TMEM120B: variants seen among roughly 807,000 people sequenced by gnomAD.
TMEM120B encodes transmembrane protein 120B.
TMEM120B carries 31 observed loss-of-function variants against 55.5 expected under a neutral mutation model. The observed-to-expected ratio is 0.56, with a 90% CI of 0.42 to 0.75. The LOEUF is 0.75. Among genes scored for constraint, TMEM120B ranks in the 30% least tolerant of loss-of-function variants. The pLI is 0.00. For missense variants in TMEM120B, 399 were observed against 425.5 expected, an observed-to-expected ratio of 0.94 and a Z score of 0.55; for synonymous variants, 203 against 176.3, an observed-to-expected ratio of 1.15 and a Z score of -1.20.
chr12:121,733,332 C>T (rs2137061612), intron 1 of TMEM120B, among the ~76,000 whole-genome samples: 1 of 151,958 alleles, frequency 6.6e-6, no homozygotes, highest in South Asian at 2.1e-4. Context: ...GCAAGCTCCG[C>T]CTCCTGGGTT....
At chr12:121,738,128 G>A (rs369773646) in intron 1 of TMEM120B, among the ~76,000 whole-genome samples, 11 of 151,640 alleles carry the variant, frequency 7.3e-5, no homozygotes, top group East Asian at 5.8e-4. Flanking sequence ...GCATGGTGGC[G>A]CATGCCTGTA....
intron 1 of TMEM120B, among the ~76,000 whole-genome samples, chr12:121,731,553 A>C (rs1045045307): frequency 6.6e-6 from 1 of 152,230 alleles, no homozygotes. Flanking sequence ...ACTGTGTTAC[A>C]GTCTGCTACA....
chr12:121,748,560 A>C, intron 3 of TMEM120B, 118 bp downstream of exon 3: 1 of 689,730 alleles, frequency 1.4e-6, no homozygotes. Flanking sequence ...AGAGGGAAAC[A>C]AGGGCAGGAG....
At chr12:121,726,564 GC>G (rs916536752) in intron 1 of TMEM120B, among the ~76,000 whole-genome samples, 1 of 142,804 alleles carries the variant, frequency 7.0e-6, no homozygotes, top group African/African-American at 2.8e-5. Flanking sequence ...GGGTGACAGA[GC>G]GAGACTCTGT....
At chr12:121,764,700 T>G (rs1046608592) in intron 6 of TMEM120B, among the ~76,000 whole-genome samples, 1 of 152,078 alleles carries the variant, frequency 6.6e-6, no homozygotes, top group African/African-American at 2.4e-5. Context: ...TAGCAATCAT[T>G]AACACTTTAG....
Position 121,779,669 on chromosome 12 carries a change from G to C in TMEM120B, c.*3947G>C, listed in dbSNP as rs200553022. The C allele has an allele frequency of 3.6e-5, 58 of 1,612,936 alleles. No homozygotes were observed. Among genetic ancestry groups the C allele is most frequent in the African/African-American group, 1.3e-4 (10 of 74,934 alleles). ...GTTCGCAGGCGCTCAGGCCCTGGGT[G>C]GGGGGAGGAGCCAGCATTAGGTGAG... On this transcript the variant is annotated 3_prime_UTR_variant, in exon 12 of 12. Coordinates refer to ENST00000449592, the MANE Select transcript of TMEM120B (RefSeq NM_001080825.2).
chr12:121,773,410 T>C lies in TMEM120B; in HGVS notation c.680-11T>C. The stretch of plus-strand genomic sequence containing the variant: ...CAGGCCCTGAGCCCAGGTGCTGTGC[T>C]CCCCCTGCAGGCTGCGTCCAGTTCC... On this transcript the variant is annotated splice_polypyrimidine_tract_variant and intron_variant, in intron 8 of 11. Transcript: ENST00000449592. 1 of 1,605,826 alleles carries C rather than the reference T, an allele frequency of 6.2e-7. No homozygotes were observed. The highest frequency in any genetic ancestry group is 8.5e-7 in the Non-Finnish European group (1 of 1,176,178).
rs746411084 is a variant in TMEM120B at position 121,781,018 on chromosome 12, G to A, written c.*5296G>A. ...ACCTCAGGGAACCACTGTGGAGGGAGGAGGCGGGATCAGGGGTGCGGCCGG... is the reference window on the plus strand; with the variant it reads ...ACCTCAGGGAACCACTGTGGAGGGAAGAGGCGGGATCAGGGGTGCGGCCGG... On this transcript the variant is annotated 3_prime_UTR_variant, in exon 12 of 12. Transcript: ENST00000449592. 5 of 1,613,346 alleles carry A rather than the reference G, an allele frequency of 3.1e-6. No individual in the cohort carries two copies. The highest frequency in any genetic ancestry group is 1.6e-4 in the Middle Eastern group (1 of 6,082).
In TMEM120B at chr12:121,735,653, T is replaced by C. The variant is rs112599236; in HGVS notation, c.70-7976T>C. ...ACTTTGTGATCCGCCTGCCTTGGCCTCCCAAAATGCTGGGATTACAGGCAT... is the reference window on the plus strand; with the variant it reads ...ACTTTGTGATCCGCCTGCCTTGGCCCCCCAAAATGCTGGGATTACAGGCAT... On this transcript the variant is annotated intron_variant, in intron 1 of 11. Transcript: ENST00000449592. Among the ~76,000 whole-genome samples the C allele has an allele frequency of 9.2e-3, 1,398 of 151,712 alleles. 28 individuals carry two copies. The highest frequency in any genetic ancestry group is 0.032 in the African/African-American group (1,333 of 41,384).
chr12:121,740,955 T>C (rs1872917296), intron 1 of TMEM120B, among the ~76,000 whole-genome samples: 1 of 152,170 alleles, frequency 6.6e-6, no homozygotes, highest in South Asian at 2.1e-4. Flanking sequence ...GTTTTGCTGT[T>C]AGAGTCCCAG....
At chr12:121,767,321 CG>C (rs1217233117) in intron 6 of TMEM120B, among the ~76,000 whole-genome samples, 1 of 152,096 alleles carries the variant, frequency 6.6e-6, no homozygotes, top group Non-Finnish European at 1.5e-5. Context: ...CCACCACGCC[CG>C]GCTAATTTTT....
chr12:121,722,265 A>T (rs548780118), intron 1 of TMEM120B, among the ~76,000 whole-genome samples: 7 of 152,054 alleles, frequency 4.6e-5, no homozygotes, highest in Admixed American at 1.3e-4. Context: ...CAGCAGGCTA[A>T]TTTTTTTATT....
chr12:121,781,282 T>C lies in TMEM120B; in HGVS notation c.*5560T>C. 8.7e-7 allele frequency: 1 copy of C among 1,144,492 alleles called. No homozygotes were observed. Among genetic ancestry groups the C allele is most frequent in the Non-Finnish European group, 1.3e-6 (1 of 782,412 alleles). The allele number at this position is 1,144,492 out of a possible 1,614,324, so 70.9% of individuals were successfully genotyped here. ...GGGGAAGGGGCCAGGCAAGTGACCCTGCCTTAGGGCCTCAATTTCCTCATC... is the reference window on the plus strand; with the variant it reads ...GGGGAAGGGGCCAGGCAAGTGACCCCGCCTTAGGGCCTCAATTTCCTCATC... On this transcript the variant is annotated 3_prime_UTR_variant, in exon 12 of 12. Coordinates refer to ENST00000449592, the MANE Select transcript of TMEM120B (RefSeq NM_001080825.2).
In TMEM120B at chr12:121,725,876, T is replaced by C. The variant is rs186231196; in HGVS notation, c.69+12912T>C. ...ACATGGTGAAACCGCATCTCTACTA[T>C]AAATACAAGAATTAGCCGGGTGTGG... On this transcript the variant is annotated intron_variant, in intron 1 of 11. Coordinates refer to ENST00000449592, the MANE Select transcript of TMEM120B (RefSeq NM_001080825.2). Among the ~76,000 whole-genome samples, 8 of 151,544 alleles carry C rather than the reference T, an allele frequency of 5.3e-5. No individual in the cohort carries two copies. The East Asian group carries it at 1.6e-3, about 30-fold the overall frequency.
chr12:121,781,961 G>T lies in TMEM120B; in HGVS notation c.*6239G>T, dbSNP rs1266226264. 1 of 152,146 alleles carries T rather than the reference G, an allele frequency of 6.6e-6. No homozygotes were observed. Among genetic ancestry groups the T allele is most frequent in the African/African-American group, 2.4e-5 (1 of 41,422 alleles). The allele number at this position is 152,146 out of a possible 1,614,324, so 9.4% of individuals were successfully genotyped here. On this transcript the variant is annotated 3_prime_UTR_variant, in exon 12 of 12. Transcript: ENST00000449592. ...TGAATCCAAATACGGATCTAGGCTTGAGCTTGGTTGGGTTTGCTTTTTTCT... is the reference window on the plus strand; with the variant it reads ...TGAATCCAAATACGGATCTAGGCTTTAGCTTGGTTGGGTTTGCTTTTTTCT...
chr12:121,775,257 G>A lies in TMEM120B; in HGVS notation c.906+127G>A. The A allele has an allele frequency of 5.4e-6, 6 of 1,113,330 alleles. No individual in the cohort carries two copies. Among genetic ancestry groups the A allele is most frequent in the Non-Finnish European group, 7.7e-6 (6 of 779,322 alleles). The allele number at this position is 1,113,330 out of a possible 1,614,324, so 69.0% of individuals were successfully genotyped here. Reference sequence around the variant, plus strand: ...GGCTGGGATGGCAGATGTGGGGGTGGGGTGTGTGCGTGTGTGTGGTGTGCT... The same window carrying A: ...GGCTGGGATGGCAGATGTGGGGGTGAGGTGTGTGCGTGTGTGTGGTGTGCT... On this transcript the variant is annotated intron_variant, in intron 11 of 11. Coordinates refer to ENST00000449592, the MANE Select transcript of TMEM120B (RefSeq NM_001080825.2). This position sits in a 1 kb window ranked among gnomAD's most constrained non-coding sequence, Gnocchi z 4.3.
At chr12:121,763,066 A>G (rs2137301445) in intron 6 of TMEM120B, among the ~76,000 whole-genome samples, 2 of 150,964 alleles carry the variant, frequency 1.3e-5, no homozygotes, top group South Asian at 2.1e-4. Context: ...GAGTCTTGAG[A>G]CCCAGTTAAA....
rs1874339046 is a variant in TMEM120B, at chr12:121,778,934, A to C, written c.*3212A>C. The C allele has an allele frequency of 6.5e-6, 1 of 154,780 alleles. No homozygotes were observed. Among genetic ancestry groups the C allele is most frequent in the Admixed American group, 6.3e-5 (1 of 15,942 alleles). The allele number at this position is 154,780 out of a possible 1,614,324, so 9.6% of individuals were successfully genotyped here. A position where few individuals can be genotyped will look rare whatever the true frequency, so the allele number is the denominator to read the frequency against. ...CTCTGCAAAGACAGTGGCCAAGTTG[A>C]AGACAAGTCTTCCATGTGGGGTGGA... On this transcript the variant is annotated 3_prime_UTR_variant, in exon 12 of 12. Coordinates refer to ENST00000449592, the MANE Select transcript of TMEM120B (RefSeq NM_001080825.2).
Position 121,779,498 on chromosome 12 carries a change from TCAGAGCAGCAGG to T in TMEM120B, c.*3783_*3794del. ...TGTCGTGAGGTCTGTCTGCCCTGGG[TCAGAGCAGCAGG>T]CAGAGCCGGCGCTTCTTCTGCCGTT... is the stretch of plus-strand genomic sequence containing the variant. On this transcript the variant is annotated 3_prime_UTR_variant, in exon 12 of 12. Transcript: ENST00000449592. 3 of 1,611,224 alleles carry T rather than the reference TCAGAGCAGCAGG, an allele frequency of 1.9e-6. No homozygotes were observed. The highest frequency in any genetic ancestry group is 2.5e-6 in the Non-Finnish European group (3 of 1,179,972).
Sources: allele counts gnomAD v4.1 joint callset (sites outside exome capture counted in the v4.1 genomes callset), GRCh38; gene constraint gnomAD v4.1.1; non-coding constraint Gnocchi (gnomAD v3.1); transcripts MANE v1.5; gene names NCBI Gene and HGNC (gene_info 2026-07-23, HGNC 2026-07-21).